PAX7: variants seen among roughly 807,000 people sequenced by gnomAD.
PAX7 encodes paired box 7.
A neutral mutation model predicts 50.7 loss-of-function variants in PAX7; 18 were observed. That is an observed-to-expected ratio of 0.36 (90% confidence interval 0.25 to 0.53). The LOEUF (loss-of-function observed/expected upper bound fraction) is 0.53. PAX7 is among the 20% of genes least tolerant of loss of function. PAX7 has a pLI of 0.93. For synonymous variants in PAX7, 310 were observed against 290.4 expected (o/e 1.07, Z -0.69); for missense variants, 644 against 702.9 (o/e 0.92, Z 0.95).
intron 4 of PAX7, among the ~76,000 whole-genome samples, chr1:18,653,353 G>A (rs888401123): frequency 1.3e-5 from 2 of 152,138 alleles, no homozygotes; most frequent in African/African-American, 4.8e-5. Flanking sequence ...ACTTGTGTGT[G>A]TATATTGTTG....
In PAX7 at chr1:18,646,366, G is replaced by A. The variant is rs368262957; in HGVS notation, c.586+9995G>A. Among the ~76,000 whole-genome samples, 4 of 152,136 alleles carry A rather than the reference G, an allele frequency of 2.6e-5. No individual in the cohort carries two copies. In the East Asian group the frequency reaches 5.8e-4, roughly 22 times the overall value. On this transcript the variant is annotated intron_variant, in intron 4 of 8. Coordinates refer to ENST00000420770, the MANE Select transcript of PAX7 (RefSeq NM_001135254.2). Reference sequence around the variant, plus strand: ...CTGCCTGTTACAGGCAATTACTGCTGTAAATGGCCCCCTTTGCGTCGACCC... The same window carrying A: ...CTGCCTGTTACAGGCAATTACTGCTATAAATGGCCCCCTTTGCGTCGACCC...
chr1:18,727,068 A>C (rs899123134), intron 7 of PAX7, among the ~76,000 whole-genome samples: 2 of 152,090 alleles, frequency 1.3e-5, no homozygotes, highest in Admixed American at 1.3e-4. Context: ...TGCACATGCA[A>C]TACTTATGCA....
chr1:18,717,268 G>A (rs1263994488), intron 7 of PAX7, among the ~76,000 whole-genome samples: 2 of 152,302 alleles, frequency 1.3e-5, no homozygotes, highest in Non-Finnish European at 2.9e-5. Flanking sequence ...CCGCTCGCTC[G>A]TCCAGTCTTG....
intron 7 of PAX7, among the ~76,000 whole-genome samples, chr1:18,727,424 G>A (rs1031903997): frequency 6.8e-6 from 1 of 147,672 alleles, no homozygotes; most frequent in African/African-American, 2.5e-5. Flanking sequence ...TTAACACTCA[G>A]GTAATAAATG....
At chr1:18,655,770 G>GGAGGGT (rs560470014) in intron 4 of PAX7, among the ~76,000 whole-genome samples, 2 of 143,562 alleles carry the variant, frequency 1.4e-5, no homozygotes, top group African/African-American at 2.6e-5. Context: ...ACTTGGAGAG[G>GGAGGGT]GTGTGTGTGT....
rs559820678 is a variant in PAX7 at position 18,679,770 on chromosome 1, A to G, written c.587-11984A>G. ...TCCACCGTGGAAGAATAAGGAAAGG[A>G]TGACAAAGGCATGTTCATTCATTCA... is the stretch of plus-strand genomic sequence containing the variant. On this transcript the variant is annotated intron_variant, in intron 4 of 8. Coordinates refer to ENST00000420770, the MANE Select transcript of PAX7 (RefSeq NM_001135254.2). Among the ~76,000 whole-genome samples, 3 of 152,320 alleles carry G rather than the reference A, an allele frequency of 2.0e-5. No homozygotes were observed. In the South Asian group the frequency reaches 6.2e-4, roughly 32 times the overall value.
intron 7 of PAX7, among the ~76,000 whole-genome samples, chr1:18,724,375 C>T (rs1333451995): frequency 6.6e-6 from 1 of 152,242 alleles, no homozygotes; most frequent in Admixed American, 6.5e-5. Flanking sequence ...GAGATGTACA[C>T]AGCCACCATC....
At chr1:18,676,279 T>C (rs1214156928) in intron 4 of PAX7, among the ~76,000 whole-genome samples, 1 of 152,082 alleles carries the variant, frequency 6.6e-6, no homozygotes, top group Non-Finnish European at 1.5e-5. Context: ...GTCCACATTT[T>C]TCCACCACCT....
chr1:18,649,277 A>G (rs1183851703), intron 4 of PAX7, among the ~76,000 whole-genome samples: 1 of 152,166 alleles, frequency 6.6e-6, no homozygotes, highest in Admixed American at 6.5e-5. Context: ...GGATAAGGAC[A>G]GCCATGGGAA....
intron 3 of PAX7, among the ~76,000 whole-genome samples, chr1:18,635,812 GTGTGTGTA>G (rs2100421563): frequency 6.6e-6 from 1 of 150,828 alleles, no homozygotes; most frequent in East Asian, 2.0e-4. Flanking sequence ...TGTTGTGTGT[GTGTGTGTA>G]TGTGTGTGTG....
chr1:18,643,127 G>A (rs2088282647), intron 4 of PAX7, among the ~76,000 whole-genome samples: 1 of 152,184 alleles, frequency 6.6e-6, no homozygotes, highest in Non-Finnish European at 1.5e-5. Flanking sequence ...CTCAAAAGAG[G>A]CCCCGAGGGC....
chr1:18,637,468 G>A (rs1486949415), intron 4 of PAX7, among the ~76,000 whole-genome samples: 9 of 152,234 alleles, frequency 5.9e-5, no homozygotes, highest in African/African-American at 1.4e-4. Flanking sequence ...GGAACCCGCA[G>A]ACTGATGGCT....
chr1:18,643,382 G>A (rs1272866927), intron 4 of PAX7, among the ~76,000 whole-genome samples: 1 of 152,258 alleles, frequency 6.6e-6, no homozygotes, highest in Non-Finnish European at 1.5e-5. Context: ...AGAGGCAGCG[G>A]AGACAGAGAG....
At chr1:18,688,828 C>G (rs1337944452) in intron 4 of PAX7, among the ~76,000 whole-genome samples, 2 of 152,186 alleles carry the variant, frequency 1.3e-5, no homozygotes, top group African/African-American at 4.8e-5. Flanking sequence ...GCACGACAAC[C>G]ATTTGAACCC....
chr1:18,701,969 C>T (rs764904440), intron 6 of PAX7, among the ~76,000 whole-genome samples: 1 of 152,042 alleles, frequency 6.6e-6, no homozygotes, highest in African/African-American at 2.4e-5. Flanking sequence ...CCTACCTCAC[C>T]GGAACTTGCT....
chr1:18,742,998 A>C (rs12065674), intron 8 of PAX7, among the ~76,000 whole-genome samples: 9,874 of 152,194 alleles, frequency 0.065, 356 homozygotes, highest in South Asian at 0.072. Context: ...AGCAGGAGGT[A>C]ACTGGGACTG....
chr1:18,728,979 T>C (rs770032577), intron 7 of PAX7, among the ~76,000 whole-genome samples: 12 of 152,182 alleles, frequency 7.9e-5, no homozygotes, highest in Non-Finnish European at 1.6e-4. Context: ...CCCATCTCTC[T>C]TGCCCAGTCC....
At chr1:18,708,028 C>T (rs550106632) in intron 7 of PAX7, among the ~76,000 whole-genome samples, 1 of 152,108 alleles carries the variant, frequency 6.6e-6, no homozygotes, top group African/African-American at 2.4e-5. Flanking sequence ...CTCCCCTACC[C>T]ACCCAAGCCC....
At chr1:18,733,785 C>A (rs1362719635) in intron 7 of PAX7, among the ~76,000 whole-genome samples, 1 of 152,218 alleles carries the variant, frequency 6.6e-6, no homozygotes, top group African/African-American at 2.4e-5. Context: ...GATGCCTCAA[C>A]CTCATTCATT....
Sources: allele counts gnomAD v4.1 joint callset (sites outside exome capture counted in the v4.1 genomes callset), GRCh38; gene constraint gnomAD v4.1.1; transcripts MANE v1.5; gene names NCBI Gene and HGNC (gene_info 2026-07-23, HGNC 2026-07-21).